BMPR1B: variants seen among roughly 807,000 people sequenced by gnomAD.
BMPR1B encodes the protein bone morphogenetic protein receptor type 1B.
A neutral mutation model predicts 59.1 loss-of-function variants in BMPR1B; 12 were observed. The ratio of observed to expected loss-of-function variants is 0.20; its 90% CI spans 0.13 to 0.33. The LOEUF is 0.33. Ranked by LOEUF, BMPR1B falls within the 10% of genes least tolerant of loss-of-function variation. The pLI is 1.00. For synonymous variants in BMPR1B, 237 were observed against 207.3 expected (o/e 1.14, Z -1.23); for missense variants, 550 against 610.9 (o/e 0.90, Z 1.05).
At chr4:94,998,304 T>C (rs1440880570) in intron 3 of BMPR1B, among the ~76,000 whole-genome samples, 2 of 152,082 alleles carry the variant, frequency 1.3e-5, no homozygotes, top group Non-Finnish European at 2.9e-5. Flanking sequence ...ATATTAATAT[T>C]AGCCTCCTCA....
chr4:94,996,138 A>G lies in BMPR1B; in HGVS notation c.-18+4A>G, dbSNP rs1212964907. The G allele has an allele frequency of 6.6e-6, 1 of 152,248 alleles. No homozygotes were observed. The highest frequency in any genetic ancestry group is 1.9e-4 in the East Asian group (1 of 5,196). 9.4% of individuals were successfully genotyped at this position (152,248 alleles called of 1,614,324 possible). On this transcript the variant is annotated splice_donor_region_variant and intron_variant, in intron 3 of 12. Transcript: ENST00000515059. ...CAAGCCTGCCATAAGTGAGAAGGTA[A>G]GTAATTAGCCAGTTCAGTCTCGCTG...
At chr4:95,001,104 T>C (rs1218791228) in intron 3 of BMPR1B, among the ~76,000 whole-genome samples, 1 of 152,156 alleles carries the variant, frequency 6.6e-6, no homozygotes, top group Admixed American at 6.6e-5. Flanking sequence ...CCAGTATTTT[T>C]TTTTATACTT....
At chr4:95,008,411 T>C (rs1167572851) in intron 3 of BMPR1B, among the ~76,000 whole-genome samples, 3 of 152,134 alleles carry the variant, frequency 2.0e-5, no homozygotes, top group Non-Finnish European at 4.4e-5. Flanking sequence ...CTAACACTTA[T>C]TCTTGTTGAG....
chr4:95,100,239 T>G (rs1214318173), intron 3 of BMPR1B, among the ~76,000 whole-genome samples: 3 of 152,158 alleles, frequency 2.0e-5, no homozygotes, highest in Admixed American at 1.3e-4. Flanking sequence ...CCAATAACTT[T>G]CTGAGAAAGA....
At chr4:94,901,941 T>C (rs143577301) in intron 2 of BMPR1B, among the ~76,000 whole-genome samples, 304 of 151,876 alleles carry the variant, frequency 2.0e-3, no homozygotes, top group Middle Eastern at 0.014. Flanking sequence ...ATTAGACATA[T>C]AGTCACATAG....
intron 2 of BMPR1B, among the ~76,000 whole-genome samples, chr4:94,905,949 T>G (rs1560540660): frequency 6.6e-6 from 1 of 151,788 alleles, no homozygotes; most frequent in African/African-American, 2.4e-5. Flanking sequence ...GACATTTATT[T>G]TCCTTTAGGA....
intron 2 of BMPR1B, among the ~76,000 whole-genome samples, chr4:94,879,890 C>T (rs547595580): frequency 6.6e-6 from 1 of 152,170 alleles, no homozygotes; most frequent in Admixed American, 6.5e-5. Flanking sequence ...ATTGAAAATA[C>T]TGTGGTTAAA....
At chr4:94,803,840 T>A (rs917363130) in intron 1 of BMPR1B, among the ~76,000 whole-genome samples, 5 of 149,006 alleles carry the variant, frequency 3.4e-5, no homozygotes, top group Admixed American at 2.7e-4. Context: ...AAAGGTCGTG[T>A]GCTTAAAAAG....
At chr4:95,027,785 A>G (rs1023574764) in intron 3 of BMPR1B, among the ~76,000 whole-genome samples, 1 of 152,172 alleles carries the variant, frequency 6.6e-6, no homozygotes, top group Non-Finnish European at 1.5e-5. Flanking sequence ...GCATATACAC[A>G]TGTATTTTTC....
chr4:94,791,659 T>C (rs1390923654), intron 1 of BMPR1B, among the ~76,000 whole-genome samples: 1 of 152,202 alleles, frequency 6.6e-6, no homozygotes, highest in Non-Finnish European at 1.5e-5. Flanking sequence ...ATACCCTCTT[T>C]TCTTAGTGGC....
At chr4:94,936,396 A>G (rs930195454) in intron 2 of BMPR1B, among the ~76,000 whole-genome samples, 2 of 152,162 alleles carry the variant, frequency 1.3e-5, no homozygotes, top group Admixed American at 1.3e-4. Flanking sequence ...ACTGTAGACT[A>G]TTTACTGCTT....
chr4:94,921,601 C>T (rs757467377), intron 2 of BMPR1B, among the ~76,000 whole-genome samples: 17 of 152,084 alleles, frequency 1.1e-4, no homozygotes, highest in Non-Finnish European at 2.1e-4. Flanking sequence ...CACCCACATT[C>T]ATGAGGACAG....
At chr4:94,834,859 C>T (rs566863689) in intron 1 of BMPR1B, among the ~76,000 whole-genome samples, 62 of 151,600 alleles carry the variant, frequency 4.1e-4, no homozygotes, top group African/African-American at 1.4e-3. Context: ...TTAATAAGTT[C>T]TTTCCTACTT....
At position 94,996,022 on chromosome 4, in the gene BMPR1B, A is replaced by G. The variant is rs1722031924; in HGVS notation, c.-112-18A>G. ...AATTTCCAATTTTTTCTGAAAATGT[A>G]TTCTTTCTAACTGTCAGGTTCAGAC... On this transcript the variant is annotated intron_variant, in intron 2 of 12. Coordinates refer to ENST00000515059, the MANE Select transcript of BMPR1B (RefSeq NM_001203.3). 6.6e-6 allele frequency: 1 copy of G among 152,204 alleles called. No individual in the cohort carries two copies. Among genetic ancestry groups the G allele is most frequent in the Non-Finnish European group, 1.5e-5 (1 of 68,038 alleles). 9.4% of individuals were successfully genotyped at this position (152,204 alleles called of 1,614,324 possible).
At chr4:95,036,860 T>C (rs956467755) in intron 3 of BMPR1B, among the ~76,000 whole-genome samples, 2 of 152,062 alleles carry the variant, frequency 1.3e-5, no homozygotes, top group African/African-American at 4.8e-5. Flanking sequence ...TTCCCTTTTC[T>C]CTACATCCTT....
At chr4:94,852,576 T>C (rs904477605) in intron 1 of BMPR1B, among the ~76,000 whole-genome samples, 2 of 152,140 alleles carry the variant, frequency 1.3e-5, no homozygotes, top group African/African-American at 4.8e-5. Context: ...CCTTGCCCAT[T>C]CATTATGGGA....
At chr4:94,815,798 A>G (rs988316998) in intron 1 of BMPR1B, among the ~76,000 whole-genome samples, 2 of 152,250 alleles carry the variant, frequency 1.3e-5, no homozygotes, top group Non-Finnish European at 2.9e-5. Context: ...TAAAAATGGC[A>G]TAGCGTCTGA....
intron 4 of BMPR1B, among the ~76,000 whole-genome samples, chr4:95,105,997 T>C (rs945114123): frequency 6.6e-6 from 1 of 152,026 alleles, no homozygotes; most frequent in African/African-American, 2.4e-5. Flanking sequence ...AAATATTTTG[T>C]CCTGTTTTCC....
chr4:95,080,250 G>A (rs1729024683), intron 3 of BMPR1B, among the ~76,000 whole-genome samples: 1 of 152,112 alleles, frequency 6.6e-6, no homozygotes, highest in South Asian at 2.1e-4. Flanking sequence ...ATGTACGTAT[G>A]TATGTATATA....
Sources: gnomAD v4.1 joint callset for allele counts (sites outside exome capture counted in the v4.1 genomes callset) on GRCh38, gnomAD v4.1.1 for gene constraint, MANE v1.5 for transcripts, NCBI Gene and HGNC (gene_info 2026-07-23, HGNC 2026-07-21) for gene names.